The following RANBP2 variants were observed in gnomAD, a reference collection of about 807,000 sequenced individuals.
RANBP2 encodes E3 SUMO-protein ligase RanBP2.
Under a neutral mutation model 303.6 loss-of-function variants are expected in RANBP2, and 57 were observed. The observed-to-expected ratio is 0.19, with a 90% CI of 0.15 to 0.23. The LOEUF (loss-of-function observed/expected upper bound fraction) is 0.23. Ranked by LOEUF, RANBP2 falls within the 10% of genes least tolerant of loss-of-function variation. The probability of loss-of-function intolerance (pLI) is 1.00; values close to 1 mark genes in which losing one functional copy is unlikely to be tolerated. For missense variants in RANBP2, 3,138 were observed against 3,780.8 expected (o/e 0.83, Z 4.46); for synonymous variants, 1,167 against 1,301.5 (o/e 0.90, Z 2.23).
chr2:109,603,292 TG>T, the RANBP2 span, among the ~76,000 whole-genome samples: 8 of 152,148 alleles, frequency 5.3e-5, no homozygotes, highest in East Asian at 1.5e-3. Context: ...TGGAGTGCAG[TG>T]GCGCAATCTC....
the RANBP2 span, among the ~76,000 whole-genome samples, chr2:109,272,004 T>C: frequency 6.6e-6 from 1 of 152,212 alleles, no homozygotes; most frequent in Non-Finnish European, 1.5e-5. Context: ...ACATCTGGTA[T>C]GGGTGAACCA....
the RANBP2 span, among the ~76,000 whole-genome samples, chr2:109,282,268 G>T: frequency 6.6e-6 from 1 of 152,264 alleles, no homozygotes; most frequent in Non-Finnish European, 1.5e-5. Flanking sequence ...TTTGAGAAAT[G>T]AGTGTAGATC....
chr2:108,934,073 C>T, the RANBP2 span, among the ~76,000 whole-genome samples: 2 of 152,124 alleles, frequency 1.3e-5, no homozygotes, highest in South Asian at 2.1e-4. Context: ...CTGGGCCTGC[C>T]GCACCTTAGT....
chr2:108,888,977 C>A, the RANBP2 span, among the ~76,000 whole-genome samples: 1 of 151,706 alleles, frequency 6.6e-6, no homozygotes, highest in Non-Finnish European at 1.5e-5. Flanking sequence ...TTGTTGTACC[C>A]CATCAGTTTT....
the RANBP2 span, among the ~76,000 whole-genome samples, chr2:109,105,667 G>C: frequency 2.0e-5 from 3 of 152,014 alleles, no homozygotes; most frequent in Non-Finnish European, 4.4e-5. Flanking sequence ...CGATTCTCCT[G>C]CTTCAGCCTC....
At chr2:108,853,874 A>G in the RANBP2 span, among the ~76,000 whole-genome samples, 4 of 125,654 alleles carry the variant, frequency 3.2e-5, no homozygotes, top group African/African-American at 1.2e-4. Flanking sequence ...TATATATACT[A>G]TATAATATAT....
At chr2:109,498,264 G>T in the RANBP2 span, among the ~76,000 whole-genome samples, 9 of 152,194 alleles carry the variant, frequency 5.9e-5, no homozygotes, top group Admixed American at 5.2e-4. Flanking sequence ...CTTAGAGTTG[G>T]CTGGTATTCG....
chr2:109,541,919 G>A, the RANBP2 span, among the ~76,000 whole-genome samples: 3 of 152,278 alleles, frequency 2.0e-5, no homozygotes, highest in East Asian at 1.9e-4. Context: ...ATAGGAACAC[G>A]GGGCTTACAC....
At chr2:108,809,631 G>T in the RANBP2 span, among the ~76,000 whole-genome samples, 1 of 151,940 alleles carries the variant, frequency 6.6e-6, no homozygotes, top group African/African-American at 2.4e-5. Context: ...TTTTCAGTTA[G>T]TTTGTTGTTA....
At chr2:109,105,482 G>A in the RANBP2 span, among the ~76,000 whole-genome samples, 5 of 152,186 alleles carry the variant, frequency 3.3e-5, no homozygotes, top group African/African-American at 1.2e-4. Flanking sequence ...CACTTGGATC[G>A]CTTAGGTCAC....
the RANBP2 span, chr2:108,846,887 G>C: frequency 1.9e-6 from 3 of 1,613,174 alleles, no homozygotes; most frequent in Non-Finnish European, 2.5e-6. Flanking sequence ...ATTTGCCATT[G>C]AGATTTTTAT....
At chr2:109,227,886 C>A in the RANBP2 span, among the ~76,000 whole-genome samples, 1 of 152,248 alleles carries the variant, frequency 6.6e-6, no homozygotes, top group Non-Finnish European at 1.5e-5. Flanking sequence ...TCTGCAACTG[C>A]AGTTCCCTGT....
chr2:109,428,544 G>T, the RANBP2 span, among the ~76,000 whole-genome samples: 93 of 152,328 alleles, frequency 6.1e-4, no homozygotes, highest in African/African-American at 2.2e-3. Flanking sequence ...CACACCTGCC[G>T]CGGCCACTTC....
chr2:109,057,686 T>G, the RANBP2 span, among the ~76,000 whole-genome samples: 1 of 152,238 alleles, frequency 6.6e-6, no homozygotes, highest in African/African-American at 2.4e-5. Flanking sequence ...CTAAGTAGAA[T>G]GCATCTGACG....
At chr2:108,844,889 A>G in the RANBP2 span, among the ~76,000 whole-genome samples, 3 of 151,936 alleles carry the variant, frequency 2.0e-5, no homozygotes. Context: ...CTGAGATTAC[A>G]GGTGCACGCC....
the RANBP2 span, among the ~76,000 whole-genome samples, chr2:109,202,331 A>C: frequency 6.6e-6 from 1 of 152,140 alleles, no homozygotes; most frequent in East Asian, 1.9e-4. Context: ...GAAACTCCCT[A>C]GGAGTGTGTC....
chr2:109,218,401 C>T, the RANBP2 span, among the ~76,000 whole-genome samples: 7 of 152,122 alleles, frequency 4.6e-5, no homozygotes, highest in African/African-American at 1.7e-4. Flanking sequence ...GTTCTAGAAA[C>T]AGTCTTTGAG....
chr2:108,823,249 G>A, the RANBP2 span, among the ~76,000 whole-genome samples: 1 of 152,088 alleles, frequency 6.6e-6, no homozygotes, highest in South Asian at 2.1e-4. Flanking sequence ...CATATTCTTC[G>A]AAAAAATTGA....
the RANBP2 span, among the ~76,000 whole-genome samples, chr2:109,266,769 G>A: frequency 1.3e-5 from 2 of 152,252 alleles, no homozygotes; most frequent in Non-Finnish European, 2.9e-5. Flanking sequence ...AAGAGACAGG[G>A]GTGAGCGTGT....
Sources: allele counts gnomAD v4.1 joint callset (sites outside exome capture counted in the v4.1 genomes callset), GRCh38; gene constraint gnomAD v4.1.1; transcripts MANE v1.5; gene names NCBI Gene and HGNC (gene_info 2026-07-23, HGNC 2026-07-21).